SH3GL1: variants seen among roughly 807,000 people sequenced by gnomAD.
The protein encoded by SH3GL1 is SH3 domain containing GRB2 like 1, endophilin A2, also known as endophilin-A2.
A neutral mutation model predicts 48.8 loss-of-function variants in SH3GL1; 21 were observed. That is an observed-to-expected ratio of 0.43 (90% CI 0.30 to 0.62). The LOEUF (loss-of-function observed/expected upper bound fraction) is 0.62, where lower values mean the gene tolerates loss of function less well. Ranked by LOEUF, SH3GL1 falls within the 20% of genes least tolerant of loss-of-function variation. The pLI is 0.11. For missense variants in SH3GL1, 454 were observed against 503.0 expected (o/e 0.90, Z 0.93); for synonymous variants, 282 against 217.5 (o/e 1.30, Z -2.61).
intron 1 of SH3GL1, chr19:4,396,014 A>C (rs1326302766): frequency 2.0e-5 from 3 of 152,204 alleles, no homozygotes; most frequent in South Asian, 2.1e-4. Flanking sequence ...CCTAAAAAAG[A>C]AGCCCAGATA....
chr19:4,366,147 C>T (rs1972773396), intron 3 of SH3GL1, among the ~76,000 whole-genome samples: 1 of 152,170 alleles, frequency 6.6e-6, no homozygotes, highest in African/African-American at 2.4e-5. Context: ...GTCCCAAGCC[C>T]AAGAGGTGAA....
At chr19:4,363,340 ACT>A (rs759455865) in intron 7 of SH3GL1, 28 bp downstream of exon 7, 4 of 1,543,222 alleles carry the variant, frequency 2.6e-6, no homozygotes, top group Non-Finnish European at 3.5e-6. Flanking sequence ...GGCAGCCCAG[ACT>A]CTGGAGAGAC....
chr19:4,370,778 A>C (rs927110439), intron 1 of SH3GL1, among the ~76,000 whole-genome samples: 2 of 152,218 alleles, frequency 1.3e-5, no homozygotes, highest in Non-Finnish European at 2.9e-5. Context: ...GGTTTGGCCA[A>C]CCCTGCCAGG....
chr19:4,385,281 TG>T, intron 1 of SH3GL1, among the ~76,000 whole-genome samples: 1 of 152,304 alleles, frequency 6.6e-6, no homozygotes, highest in East Asian at 1.9e-4. Flanking sequence ...GCTCATCTGC[TG>T]GTCATTCTTA....
chr19:4,363,628 G>A (rs11668762), intron 6 of SH3GL1, 92 bp downstream of exon 6: 4 of 1,546,234 alleles, frequency 2.6e-6, no homozygotes, highest in East Asian at 4.5e-5. Flanking sequence ...CGGCCAGGTA[G>A]GTGCCGATCT....
chr19:4,379,742 CCTGTGGCCGTGA>C (rs1255554582), intron 1 of SH3GL1, among the ~76,000 whole-genome samples: 21 of 152,098 alleles, frequency 1.4e-4, no homozygotes, highest in Non-Finnish European at 1.8e-4. Context: ...CATGGGCGAG[CCTGTGGCCGTGA>C]CTGTGACCCC....
chr19:4,362,166 AG>A (rs1197483519), intron 9 of SH3GL1, among the ~76,000 whole-genome samples, 162 bp downstream of exon 9: 1 of 152,166 alleles, frequency 6.6e-6, no homozygotes, highest in African/African-American at 2.4e-5. Context: ...TGAGACCCAG[AG>A]GGGTGGCATC....
chr19:4,381,251 CCT>C (rs144899979), intron 1 of SH3GL1, among the ~76,000 whole-genome samples: 19,562 of 102,546 alleles, frequency 0.19, 2,578 homozygotes, highest in East Asian at 0.44. Flanking sequence ...GTCCCCTCTG[CCT>C]CTCTCTGTCC....
At chr19:4,366,426 G>T in intron 3 of SH3GL1, 75 bp downstream of exon 3, 2 of 1,213,826 alleles carry the variant, frequency 1.6e-6, no homozygotes, top group Non-Finnish European at 1.2e-6. Flanking sequence ...TGGCGGTTCT[G>T]TCATCCCCTG....
intron 4 of SH3GL1, 53 bp from the exon 5 acceptor site, chr19:4,364,274 T>C: frequency 6.2e-7 from 1 of 1,608,270 alleles, no homozygotes. Context: ...ACCACTAGAC[T>C]GAGACACTCC....
intron 1 of SH3GL1, among the ~76,000 whole-genome samples, chr19:4,385,363 G>A (rs1279320411): frequency 6.6e-6 from 1 of 152,162 alleles, no homozygotes; most frequent in African/African-American, 2.4e-5. Flanking sequence ...GAGGTGCCCT[G>A]TGCCACATAC....
intron 1 of SH3GL1, among the ~76,000 whole-genome samples, chr19:4,375,122 G>A (rs1972981675): frequency 6.6e-6 from 1 of 152,184 alleles, no homozygotes; most frequent in Admixed American, 6.5e-5. Flanking sequence ...GGGAGAAGGG[G>A]TGCCCTCTGC....
Position 4,364,157 on chromosome 19 carries a change from G to A in SH3GL1, c.396C>T (p.Asp132=). The change falls in exon 5 of 10, where the codon GAC becomes GAT. Residue 132 remains aspartate, a synonymous_variant. Transcript: ENST00000269886. ...CAATGAAGTTCTGCTTGACCTCGAT[G>A]TCCAGGGAGTCCTTCACCTCTGCCA... ...KRLAEVKDSL[D]IEVKQNFIDP... The A allele has an allele frequency of 6.2e-7, 1 of 1,613,970 alleles. No individual in the cohort carries two copies. Among genetic ancestry groups the A allele is most frequent in the South Asian group, 1.1e-5 (1 of 91,088 alleles).
At position 4,366,921 on chromosome 19, in the gene SH3GL1, C is replaced by A; in HGVS notation, c.114+5G>T. On this transcript the variant is annotated splice_donor_5th_base_variant and intron_variant, in intron 2 of 9. Transcript: ENST00000269886. ...ACCACACAGAGCACGCAGTTTCTTC[C>A]TCACCTTCTCCATCTCTTTGAAGTC... 1 of 1,613,680 alleles carries A rather than the reference C, an allele frequency of 6.2e-7. No homozygotes were observed.
At position 4,360,529 on chromosome 19, in the gene SH3GL1, G is replaced by C. The variant is rs1473663363; in HGVS notation, c.*1071C>G. 1 of 233,756 alleles carries C rather than the reference G, an allele frequency of 4.3e-6. No homozygotes were observed. 14.5% of individuals were successfully genotyped at this position (233,756 alleles called of 1,614,324 possible). On this transcript the variant is annotated 3_prime_UTR_variant, in exon 10 of 10. Coordinates refer to ENST00000269886, the MANE Select transcript of SH3GL1 (RefSeq NM_003025.4). ...GCAGAGCAGAGCCTGGGGTCCGGAGGCTTCACTGGACCACAGGGGGAGGGG... is the reference window on the plus strand; with the variant it reads ...GCAGAGCAGAGCCTGGGGTCCGGAGCCTTCACTGGACCACAGGGGGAGGGG...
rs77772228 is a variant in SH3GL1, at chr19:4,398,361, G to A, written c.45+1963C>T. 5.9e-4 allele frequency among the ~76,000 whole-genome samples: 89 copies of A among 151,418 alleles called. 1 individual carries two copies. Among genetic ancestry groups the A allele is most frequent in the African/African-American group, 2.1e-3 (87 of 41,296 alleles). On this transcript the variant is annotated intron_variant, in intron 1 of 9. Coordinates refer to ENST00000269886, the MANE Select transcript of SH3GL1 (RefSeq NM_003025.4). ...CACCCTGCAGTACACGGACCAATAG[G>A]ATTCAACAATCTGAGGCTTCTTGTC...
chr19:4,363,387 C>G lies in SH3GL1; in HGVS notation c.711G>C (p.Ala237=). 6.2e-7 allele frequency: 1 copy of G among 1,606,574 alleles called. No homozygotes were observed. The highest frequency in any genetic ancestry group is 8.5e-7 in the Non-Finnish European group (1 of 1,177,058). ...RQAVQILDEL[A]EKLKRRMREA... is the part of the protein sequence containing the mutation. The stretch of plus-strand genomic sequence containing the variant: ...GGGCTCACCTGCGCTTGAGCTTCTC[C>G]GCCAGCTCGTCCAGGATCTGCACGG... Residue 237 remains alanine (A), a synonymous_variant, in exon 7 of 10, where the codon GCG becomes GCC. Transcript: ENST00000269886.
At chr19:4,384,503 G>C (rs1035007127) in intron 1 of SH3GL1, among the ~76,000 whole-genome samples, 2 of 152,136 alleles carry the variant, frequency 1.3e-5, no homozygotes, top group Non-Finnish European at 2.9e-5. Context: ...TTTTTTTGAA[G>C]GCAGGGTCTC....
At chr19:4,383,612 TGA>T (rs932655674) in intron 1 of SH3GL1, among the ~76,000 whole-genome samples, 19 of 152,146 alleles carry the variant, frequency 1.2e-4, no homozygotes, top group Admixed American at 1.3e-4. Context: ...CACTCCTGCC[TGA>T]GAGAACTGCT....
Sources: allele counts gnomAD v4.1 joint callset (sites outside exome capture counted in the v4.1 genomes callset), GRCh38; gene constraint gnomAD v4.1.1; transcripts MANE v1.5; gene names NCBI Gene and HGNC (gene_info 2026-07-23, HGNC 2026-07-21).